The following ZZEF1 variants were observed in gnomAD, a reference collection of about 807,000 sequenced individuals.
The protein encoded by ZZEF1 is zinc finger ZZ-type and EF-hand domain containing 1.
A neutral mutation model predicts 342.8 loss-of-function variants in ZZEF1; 157 were observed. The ratio of observed to expected loss-of-function variants is 0.46; its 90% CI spans 0.40 to 0.52. The LOEUF is 0.52. Ranked by LOEUF, ZZEF1 falls within the 20% of genes least tolerant of loss-of-function variation. The pLI, the probability that ZZEF1 is intolerant of heterozygous loss-of-function variation, is 0.00. For missense variants in ZZEF1, 3,480 were observed against 3,725.6 expected (o/e 0.93, Z 1.72); for synonymous variants, 1,505 against 1,429.1 (o/e 1.05, Z -1.20).
intron 14 of ZZEF1, among the ~76,000 whole-genome samples, chr17:4,086,927 G>A (rs1414785848): frequency 6.6e-6 from 1 of 152,188 alleles, no homozygotes; most frequent in African/African-American, 2.4e-5. Context: ...CTGTCTCCCA[G>A]GCTGGAGTGC....
chr17:4,105,641 A>G, intron 7 of ZZEF1, 52 bp downstream of exon 7: 1 of 1,291,810 alleles, frequency 7.7e-7, no homozygotes. Context: ...CTTAACAAGC[A>G]TACGTGCACT....
At chr17:4,126,300 G>A (rs1325947639) in intron 1 of ZZEF1, among the ~76,000 whole-genome samples, 2 of 151,008 alleles carry the variant, frequency 1.3e-5, no homozygotes, top group Non-Finnish European at 2.9e-5. Context: ...AGGCTTCAGA[G>A]CAGCGTCTGG....
chr17:4,020,688 A>G (rs1234400890), intron 45 of ZZEF1, among the ~76,000 whole-genome samples: 1 of 152,174 alleles, frequency 6.6e-6, no homozygotes, highest in East Asian at 1.9e-4. Flanking sequence ...CTCTTCATTT[A>G]GTCACAACTT....
chr17:4,037,216 C>T (rs956137968), intron 39 of ZZEF1, among the ~76,000 whole-genome samples: 31 of 152,326 alleles, frequency 2.0e-4, no homozygotes, highest in African/African-American at 7.5e-4. Flanking sequence ...AGACTCTCCC[C>T]ACTAAATATT....
chr17:4,013,992 G>C, intron 51 of ZZEF1, 98 bp downstream of exon 51: 1 of 1,168,572 alleles, frequency 8.6e-7, no homozygotes, highest in Non-Finnish European at 1.2e-6. Flanking sequence ...ACAAGTACCT[G>C]CTTTGATTTT....
At chr17:4,053,555 G>C (rs1209417155) in intron 34 of ZZEF1, among the ~76,000 whole-genome samples, 1 of 152,190 alleles carries the variant, frequency 6.6e-6, no homozygotes. Flanking sequence ...ACATTCTGTG[G>C]ATCTGTCCAG....
rs117141857 is a variant in ZZEF1, at chr17:4,141,323, T to C, written c.354+1219A>G. On this transcript the variant is annotated intron_variant, in intron 1 of 54. Transcript: ENST00000381638. ...ACAGGAAGACATTCTTAAAATATTT[T>C]AAAAGCCTCTGATTTTAAGGTGAAC... Among the ~76,000 whole-genome samples the C allele has an allele frequency of 9.8e-5, 15 of 152,372 alleles. No individual in the cohort carries two copies. In the East Asian group the frequency reaches 2.9e-3, roughly 29 times the overall value.
intron 1 of ZZEF1, among the ~76,000 whole-genome samples, chr17:4,130,685 C>G (rs917176811): frequency 4.6e-5 from 7 of 152,038 alleles, no homozygotes; most frequent in African/African-American, 1.7e-4. Flanking sequence ...TTCAAGACGT[C>G]CCACATCCAA....
chr17:4,090,274 C>T (rs2057916826), intron 12 of ZZEF1, among the ~76,000 whole-genome samples: 1 of 143,688 alleles, frequency 7.0e-6, no homozygotes, highest in African/African-American at 2.7e-5. Flanking sequence ...CAGCCTGAGG[C>T]GCCCTCCTCC....
chr17:4,081,645 G>A (rs1017214365), intron 17 of ZZEF1, among the ~76,000 whole-genome samples, 155 bp from the exon 18 acceptor site: 2 of 152,210 alleles, frequency 1.3e-5, no homozygotes, highest in Non-Finnish European at 2.9e-5. Flanking sequence ...GGACCCAGCT[G>A]GGGCTGTGCC....
At chr17:4,102,539 A>G in intron 8 of ZZEF1, 124 bp from the exon 9 acceptor site, 1 of 759,658 alleles carries the variant, frequency 1.3e-6, no homozygotes, top group Non-Finnish European at 2.2e-6. Context: ...CTCCCTGTTT[A>G]AAAGCTGAAA....
At chr17:4,019,820 C>A (rs373762733) in intron 45 of ZZEF1, 51 bp from the exon 46 acceptor site, 15 of 1,392,948 alleles carry the variant, frequency 1.1e-5, no homozygotes, top group Non-Finnish European at 1.2e-5. Flanking sequence ...TGCTTCAATA[C>A]GGTATTGATC....
At chr17:4,022,219 C>A (rs1277181730) in intron 44 of ZZEF1, among the ~76,000 whole-genome samples, 3 of 152,164 alleles carry the variant, frequency 2.0e-5, no homozygotes, top group East Asian at 3.9e-4. Context: ...ATGATGGCAG[C>A]CTTTCCTGGG....
At chr17:4,036,703 C>G (rs1302716070) in intron 39 of ZZEF1, among the ~76,000 whole-genome samples, 2 of 150,208 alleles carry the variant, frequency 1.3e-5, no homozygotes, top group African/African-American at 4.9e-5. Context: ...TGCACACCAG[C>G]CTGGGCGACA....
chr17:4,032,553 A>C (rs1421399872), intron 41 of ZZEF1, among the ~76,000 whole-genome samples: 1 of 152,262 alleles, frequency 6.6e-6, no homozygotes, highest in African/African-American at 2.4e-5. Flanking sequence ...ATTTTCTTTG[A>C]AGTTCTTTGT....
In ZZEF1 at chr17:4,008,809, C is replaced by A; in HGVS notation, c.8805+74G>T. The A allele has an allele frequency of 6.5e-7, 1 of 1,531,764 alleles. No homozygotes were observed. 94.9% of individuals were successfully genotyped at this position (1,531,764 alleles called of 1,614,324 possible). On this transcript the variant is annotated intron_variant, in intron 54 of 54. Coordinates refer to ENST00000381638, the MANE Select transcript of ZZEF1 (RefSeq NM_015113.4). This position sits in a 1 kb window ranked among gnomAD's most constrained non-coding sequence, Gnocchi z 4.2. Reference sequence around the variant, plus strand: ...TCCTACTCAGACGCAATGTACAGACCTTCTCTGCCCTGGCAATGGTGAGAT... The same window carrying A: ...TCCTACTCAGACGCAATGTACAGACATTCTCTGCCCTGGCAATGGTGAGAT...
intron 9 of ZZEF1, among the ~76,000 whole-genome samples, chr17:4,099,192 G>C (rs1440632392): frequency 6.6e-6 from 1 of 151,614 alleles, no homozygotes; most frequent in Non-Finnish European, 1.5e-5. Flanking sequence ...TCCTTTTCTT[G>C]GTAAGAAATC....
At chr17:4,011,908 G>T (rs912032747) in intron 52 of ZZEF1, among the ~76,000 whole-genome samples, 1 of 152,164 alleles carries the variant, frequency 6.6e-6, no homozygotes, top group African/African-American at 2.4e-5. Flanking sequence ...CTCCCCTGAG[G>T]ACTGCCCCTT....
At chr17:4,032,104 A>G (rs2056561957) in intron 42 of ZZEF1, 22 bp downstream of exon 42, 10 of 1,601,504 alleles carry the variant, frequency 6.2e-6, no homozygotes, top group Non-Finnish European at 8.5e-6. Context: ...CATTCTTAGA[A>G]AAAAATAATT....
Sources: gnomAD v4.1 joint callset for allele counts (sites outside exome capture counted in the v4.1 genomes callset) on GRCh38, gnomAD v4.1.1 for gene constraint, Gnocchi (gnomAD v3.1) non-coding constraint, MANE v1.5 for transcripts, NCBI Gene and HGNC (gene_info 2026-07-23, HGNC 2026-07-21) for gene names.